Variants in DISP3 observed in about 807,000 individuals in gnomAD.
DISP3 encodes the protein protein dispatched homolog 3.
In DISP3, 101 loss-of-function variants were observed where a neutral mutation model predicts 135.3. The observed-to-expected ratio is 0.75, with a 90% CI of 0.64 to 0.88. The LOEUF (loss-of-function observed/expected upper bound fraction) is 0.88, where lower values mean the gene tolerates loss of function less well. DISP3 is among the 40% of genes least tolerant of loss of function. The probability of loss-of-function intolerance (pLI) is 0.00; values close to 1 mark genes in which losing one functional copy is unlikely to be tolerated. For synonymous variants in DISP3, 856 were observed against 817.0 expected (o/e 1.05, Z -0.81); for missense variants, 1,713 against 1,878.6 (o/e 0.91, Z 1.63).
Position 11,529,198 on chromosome 1 carries a change from A to G in DISP3, c.2799-358A>G, listed in dbSNP as rs1642506984. 6.6e-6 allele frequency among the ~76,000 whole-genome samples: 1 copy of G among 152,122 alleles called. No individual in the cohort carries two copies. The highest frequency in any genetic ancestry group is 6.5e-5 in the Admixed American group (1 of 15,284). ...TGGGGGCTTCTGAGCGAGGACCACT[A>G]GGGTTGGCCCTGGGGGTCCCTCCTG... is the stretch of plus-strand genomic sequence containing the variant. On this transcript the variant is annotated intron_variant, in intron 13 of 20. Coordinates refer to ENST00000294484, the MANE Select transcript of DISP3 (RefSeq NM_020780.2). The surrounding 1 kb of genome is among the most constrained non-coding windows in gnomAD (Gnocchi z 4.7).
rs573027538 is a variant in DISP3, at chr1:11,531,321, G to A, written c.3230-244G>A. On this transcript the variant is annotated intron_variant, in intron 16 of 20. Coordinates refer to ENST00000294484, the MANE Select transcript of DISP3 (RefSeq NM_020780.2). The surrounding 1 kb of genome is among the most constrained non-coding windows in gnomAD (Gnocchi z 5.2). ...AGTAGCTTTTCCAAAATTAGGGGGC[G>A]GGGCCAGGGGCTGGCCCCACAGCCA... Among the ~76,000 whole-genome samples, 2 of 152,224 alleles carry A rather than the reference G, an allele frequency of 1.3e-5. No individual in the cohort carries two copies. The highest frequency in any genetic ancestry group is 2.9e-5 in the Non-Finnish European group (2 of 67,998).
At chr1:11,510,156 G>T (rs1641819582) in intron 3 of DISP3, among the ~76,000 whole-genome samples, 1 of 152,036 alleles carries the variant, frequency 6.6e-6, no homozygotes, top group African/African-American at 2.4e-5. Context: ...TTTACTTGGG[G>T]TCTTTAAGCC....
In DISP3 at chr1:11,500,968, T is replaced by A. The variant is rs756369819; in HGVS notation, c.-3-22T>A. 3 of 1,612,346 alleles carry A rather than the reference T, an allele frequency of 1.9e-6. No individual in the cohort carries two copies. In the African/African-American group the frequency reaches 4.0e-5, roughly 22 times the overall value. ...TCCCCTCACTGTCTCTCTAGCCTGC[T>A]GACCCTCTCCCTCTCCTGCAGACTA... On this transcript the variant is annotated intron_variant, in intron 1 of 20. Coordinates refer to ENST00000294484, the MANE Select transcript of DISP3 (RefSeq NM_020780.2).
intron 1 of DISP3, among the ~76,000 whole-genome samples, chr1:11,484,339 G>T (rs546895199): frequency 6.6e-6 from 1 of 152,368 alleles, no homozygotes; most frequent in South Asian, 2.1e-4. Flanking sequence ...CTCTCTGGGG[G>T]AGAAGAAGGT....
chr1:11,516,195 C>T lies in DISP3; in HGVS notation c.1749+34C>T. 6.2e-7 allele frequency: 1 copy of T among 1,604,136 alleles called. No individual in the cohort carries two copies. Among genetic ancestry groups the T allele is most frequent in the Non-Finnish European group, 8.5e-7 (1 of 1,173,994 alleles). On this transcript the variant is annotated intron_variant, in intron 6 of 20. Transcript: ENST00000294484. This position sits in a 1 kb window ranked among gnomAD's most constrained non-coding sequence, Gnocchi z 5.1. ...CTGTCCTCCATTCCTGTCCTGGCCT[C>T]CCACACGCTCATGCATACCTAGCCG... is the stretch of plus-strand genomic sequence containing the variant.
chr1:11,514,779 C>T (rs1641956191), intron 4 of DISP3, among the ~76,000 whole-genome samples: 1 of 152,328 alleles, frequency 6.6e-6, no homozygotes, highest in East Asian at 1.9e-4. Flanking sequence ...GCCTGTTGAC[C>T]ATCTTTCTCC....
rs995339179 is a variant in DISP3, at chr1:11,536,879, G to A, written c.*193G>A. On this transcript the variant is annotated 3_prime_UTR_variant, in exon 21 of 21. Coordinates refer to ENST00000294484, the MANE Select transcript of DISP3 (RefSeq NM_020780.2). This position sits in a 1 kb window ranked among gnomAD's most constrained non-coding sequence, Gnocchi z 4.3. ...GTGGAGCTGGGAGTTGGAGACAGCC[G>A]CCACCCCACAGGCCGGGCTACTGGC... The A allele has an allele frequency of 1.1e-5, 9 of 784,442 alleles. No individual in the cohort carries two copies. Among genetic ancestry groups the A allele is most frequent in the South Asian group, 2.1e-5 (1 of 47,552 alleles). 48.6% of individuals were successfully genotyped at this position (784,442 alleles called of 1,614,324 possible). A position where few individuals can be genotyped will look rare whatever the true frequency, so the allele number is the denominator to read the frequency against.
intron 1 of DISP3, among the ~76,000 whole-genome samples, chr1:11,488,337 C>G (rs1293807190): frequency 1.3e-5 from 2 of 152,290 alleles, no homozygotes; most frequent in East Asian, 3.9e-4. Flanking sequence ...AGACTCCCCC[C>G]ACCCCACAGC....
chr1:11,509,158 G>A (rs966630437), intron 3 of DISP3, among the ~76,000 whole-genome samples: 6 of 151,908 alleles, frequency 3.9e-5, no homozygotes, highest in Middle Eastern at 6.8e-3. Flanking sequence ...TCTTTGACCC[G>A]TGTATAACTT....
In DISP3 at chr1:11,529,644, G is replaced by A. The variant is rs775462722; in HGVS notation, c.2887G>A (p.Asp963Asn). 2.8e-5 allele frequency: 45 copies of A among 1,609,082 alleles called. No homozygotes were observed. The highest frequency in any genetic ancestry group is 1.6e-4 in the Middle Eastern group (1 of 6,074). ...TGGCTGCCTGCTTAGCTCCAGCCCC[G>A]ATGGGCCTACCAAAGGCTTCTTCTT... Reference protein sequence around the residue: ...PPGCLLSSSPDGPTKGFFFVP... With the variant: ...PPGCLLSSSPNGPTKGFFFVP... Residue 963 changes from aspartate (D) to asparagine (N), a missense_variant, in exon 14 of 21, where the codon GAT (aspartate) becomes AAT (asparagine). Physicochemically the swap from Asp to Asn is conservative, Grantham distance 23. Transcript: ENST00000294484. This position sits in a 1 kb window ranked among gnomAD's most constrained non-coding sequence, Gnocchi z 4.7.
chr1:11,502,738 C>A lies in DISP3; in HGVS notation c.1157C>A (p.Ser386Tyr). The A allele has an allele frequency of 6.2e-7, 1 of 1,614,180 alleles. No individual in the cohort carries two copies. Among genetic ancestry groups the A allele is most frequent in the Non-Finnish European group, 8.5e-7 (1 of 1,180,020 alleles). Residue 386 changes from serine (S) to tyrosine (Y), a missense_variant, in exon 3 of 21, where the codon TCT becomes TAT. Coordinates refer to ENST00000294484, the MANE Select transcript of DISP3 (RefSeq NM_020780.2). ...EFYWYVDEGL[S>Y]ADNLKSSLLR... ...TACTGGTATGTGGATGAGGGCCTCT[C>A]TGCAGACAATCTGAAGAGCTCCCTC...
rs538816266 is a variant in DISP3, at chr1:11,515,890, C to G, written c.1589-111C>G. 3.4e-4 allele frequency: 434 copies of G among 1,288,436 alleles called. 4 individuals are homozygous for G. The South Asian group carries it at 4.4e-3, about 13-fold the overall frequency. The allele number at this position is 1,288,436 out of a possible 1,614,324, so 79.8% of individuals were successfully genotyped here. A position where few individuals can be genotyped will look rare whatever the true frequency, so the allele number is the denominator to read the frequency against. Reference sequence around the variant, plus strand: ...AACTGTAAGCTCAGAAGCAGGACTCCTGCAGCCTGACCTCCCAGGAGGCCA... The same window carrying G: ...AACTGTAAGCTCAGAAGCAGGACTCGTGCAGCCTGACCTCCCAGGAGGCCA... On this transcript the variant is annotated intron_variant, in intron 5 of 20. Coordinates refer to ENST00000294484, the MANE Select transcript of DISP3 (RefSeq NM_020780.2).
At chr1:11,494,621 A>G (rs1393902432) in intron 1 of DISP3, among the ~76,000 whole-genome samples, 1 of 152,122 alleles carries the variant, frequency 6.6e-6, no homozygotes, top group Non-Finnish European at 1.5e-5. Flanking sequence ...AAAATAACTC[A>G]TTTTGAGCTT....
rs1642710568 is a variant in DISP3 at position 11,536,551 on chromosome 1, T to G, written c.4044T>G (p.Ser1348=). ...TALLGIMAPS[S]FTRTRTSFLK... ...TGCTGGGCATCATGGCGCCCAGCTC[T>G]TTCACTCGGACCCGGACTTCCTTCC... The change falls in exon 21 of 21, where the codon TCT becomes TCG. Residue 1348 remains serine, a synonymous_variant. Transcript: ENST00000294484. This position sits in a 1 kb window ranked among gnomAD's most constrained non-coding sequence, Gnocchi z 4.3. 16 of 1,612,704 alleles carry G rather than the reference T, an allele frequency of 9.9e-6. No homozygotes were observed. In the East Asian group the frequency reaches 3.6e-4, roughly 36 times the overall value.
intron 3 of DISP3, among the ~76,000 whole-genome samples, chr1:11,507,136 T>C (rs2100427760): frequency 6.6e-6 from 1 of 152,262 alleles, no homozygotes; most frequent in South Asian, 2.1e-4. Flanking sequence ...GTCCAGACGA[T>C]GTTATTTCCT....
At position 11,502,036 on chromosome 1, in the gene DISP3, G is replaced by C; in HGVS notation, c.1044G>C (p.Arg348Ser). 1.2e-6 allele frequency: 2 copies of C among 1,603,340 alleles called. No individual in the cohort carries two copies. The change falls in exon 2 of 21, where the codon AGG becomes AGC. Residue 348 changes from arginine to serine, a missense_variant. Physicochemically the swap from Arg to Ser is moderately radical, Grantham distance 110. Coordinates refer to ENST00000294484, the MANE Select transcript of DISP3 (RefSeq NM_020780.2). Reference sequence around the variant, plus strand: ...TGACCTACTTTTTTCCCACCGAGAGGGGCGGCAAGATCTACTATGACGGCA... The same window carrying C: ...TGACCTACTTTTTTCCCACCGAGAGCGGCGGCAAGATCTACTATGACGGCA... ...SLMTYFFPTE[R>S]GGKIYYDGMG...
rs1375825215 is a variant in DISP3 at position 11,519,490 on chromosome 1, C to T, written c.2025C>T (p.Val675=). ...ATGATGACATCCCCTTGCTGGAGGT[C>T]GAGGAAGAGCCAGGTGAGAGCTGGC... ...YLDDDIPLLE[V]EEEPVSLELG... The change falls in exon 8 of 21, where the codon GTC becomes GTT. Residue 675 remains valine (V), a synonymous_variant. Transcript: ENST00000294484. This position sits in a 1 kb window ranked among gnomAD's most constrained non-coding sequence, Gnocchi z 4.3. 6 of 1,613,382 alleles carry T rather than the reference C, an allele frequency of 3.7e-6. No individual in the cohort carries two copies. In the African/African-American group the frequency reaches 4.0e-5, roughly 11 times the overall value.
rs111980045 is a variant in DISP3 at position 11,481,063 on chromosome 1, T to TCTCTCACACA, written c.-4+1692_-4+1693insTCTCACACAC. On this transcript the variant is annotated intron_variant, in intron 1 of 20. Transcript: ENST00000294484. ...TTCTCTCTCTCTCTCTCTCTCTCTCTCACACACATACACACACACACACGC... is the reference window on the plus strand; with the variant it reads ...TTCTCTCTCTCTCTCTCTCTCTCTCTCTCTCACACACACACACATACACACACACACACGC... 5.5e-5 allele frequency among the ~76,000 whole-genome samples: 8 copies of TCTCTCACACA among 144,952 alleles called. No homozygotes were observed. In the South Asian group the frequency reaches 6.9e-4, roughly 12 times the overall value.
At chr1:11,534,766 G>T in intron 18 of DISP3, 3 of 771,098 alleles carry the variant, frequency 3.9e-6, no homozygotes, top group Non-Finnish European at 6.5e-6. Flanking sequence ...CACCTAAAAA[G>T]TAACAGTCAT....
Sources: gnomAD v4.1 joint callset for allele counts (sites outside exome capture counted in the v4.1 genomes callset) on GRCh38, gnomAD v4.1.1 for gene constraint, Gnocchi (gnomAD v3.1) non-coding constraint, MANE v1.5 for transcripts, NCBI Gene and HGNC (gene_info 2026-07-23, HGNC 2026-07-21) for gene names.